C1QTNF2: variants seen among roughly 807,000 people sequenced by gnomAD.
C1QTNF2 encodes complement C1q tumor necrosis factor-related protein 2.
Under a neutral mutation model 17.4 loss-of-function variants are expected in C1QTNF2, and 15 were observed. That is an observed-to-expected ratio of 0.86 (90% confidence interval 0.58 to 1.33). C1QTNF2 has a LOEUF of 1.33. C1QTNF2 is among the 40% of genes most tolerant of loss of function. C1QTNF2 has a pLI of 0.00. For missense variants in C1QTNF2, 381 were observed against 392.3 expected, an observed-to-expected ratio of 0.97 and a Z score of 0.24; for synonymous variants, 154 against 163.3, an observed-to-expected ratio of 0.94 and a Z score of 0.44.
intron 1 of C1QTNF2, among the ~76,000 whole-genome samples, chr5:160,356,897 A>G (rs1334715995): frequency 1.3e-5 from 2 of 152,120 alleles, no homozygotes; most frequent in African/African-American, 4.8e-5. Context: ...CCCCTCCAGG[A>G]TCTTTAACCC....
intron 1 of C1QTNF2, among the ~76,000 whole-genome samples, chr5:160,368,868 G>A (rs115672176): frequency 0.018 from 2,766 of 152,278 alleles, 100 homozygotes; most frequent in African/African-American, 0.064. Context: ...ATTCAATGGA[G>A]ACAGAGTGGC....
intron 1 of C1QTNF2, among the ~76,000 whole-genome samples, chr5:160,369,060 T>A (rs925157292): frequency 1.4e-5 from 2 of 146,810 alleles, no homozygotes; most frequent in Non-Finnish European, 3.0e-5. Context: ...TCTTTGAGTT[T>A]AAAAAAAAAA....
chr5:160,361,907 ATTTG>A (rs1426199679), intron 1 of C1QTNF2, among the ~76,000 whole-genome samples: 1 of 151,922 alleles, frequency 6.6e-6, no homozygotes, highest in Non-Finnish European at 1.5e-5. Context: ...GTGATTATGT[ATTTG>A]TTTGTTTCTT....
At chr5:160,353,227 T>C (rs1450814523) in intron 2 of C1QTNF2, among the ~76,000 whole-genome samples, 1 of 152,124 alleles carries the variant, frequency 6.6e-6, no homozygotes, top group Non-Finnish European at 1.5e-5. Context: ...TTGTCAATAT[T>C]AAAATGCCAT....
At chr5:160,366,121 T>C (rs1052010102) in intron 1 of C1QTNF2, among the ~76,000 whole-genome samples, 3 of 152,212 alleles carry the variant, frequency 2.0e-5, no homozygotes, top group African/African-American at 7.2e-5. Flanking sequence ...CCTTTCCCCT[T>C]GAGTCCCCAA....
chr5:160,351,959 G>C (rs1041125833), intron 2 of C1QTNF2, among the ~76,000 whole-genome samples: 12 of 151,134 alleles, frequency 7.9e-5, no homozygotes, highest in African/African-American at 2.9e-4. Context: ...TACGCAGGCT[G>C]GAGTGCAGTG....
Position 160,349,689 on chromosome 5 carries a change from C to A in C1QTNF2, c.337G>T (p.Val113Phe), listed in dbSNP as rs376511022. The change falls in exon 3 of 3, where the codon GTC becomes TTC. Residue 113 changes from valine (V) to phenylalanine (F), a missense_variant. Coordinates refer to ENST00000652664, the MANE Select transcript of C1QTNF2 (RefSeq NM_031908.6). The surrounding 1 kb of genome is among the most constrained non-coding windows in gnomAD (Gnocchi z 4.3). Reference sequence around the variant, plus strand: ...CCATGCTTCCCGGGGGTACCGTTGACCCCCTTGGGGCCACGGGGGCCAGCC... The same window carrying A: ...CCATGCTTCCCGGGGGTACCGTTGAACCCCTTGGGGCCACGGGGGCCAGCC... ...GRAGPRGPKG[V>F]NGTPGKHGTP... is the part of the protein sequence containing the mutation. 1.9e-6 allele frequency: 3 copies of A among 1,610,544 alleles called. No individual in the cohort carries two copies. The highest frequency in any genetic ancestry group is 1.7e-6 in the Non-Finnish European group (2 of 1,178,910).
intron 1 of C1QTNF2, among the ~76,000 whole-genome samples, chr5:160,357,094 G>A (rs570677583): frequency 6.6e-6 from 1 of 152,158 alleles, no homozygotes; most frequent in African/African-American, 2.4e-5. Flanking sequence ...GTCTAGGCCC[G>A]CCCCAGTCGT....
chr5:160,367,662 G>A (rs1233744562), intron 1 of C1QTNF2, among the ~76,000 whole-genome samples: 4 of 152,142 alleles, frequency 2.6e-5, no homozygotes, highest in South Asian at 2.1e-4. Flanking sequence ...TCTAGGGATC[G>A]TGAGAAATAA....
intron 1 of C1QTNF2, among the ~76,000 whole-genome samples, chr5:160,369,649 G>T (rs1561830106): frequency 6.6e-6 from 1 of 152,198 alleles, no homozygotes; most frequent in Non-Finnish European, 1.5e-5. Flanking sequence ...GAGATGGCCA[G>T]TCTAAGGAAG....
chr5:160,363,650 T>C (rs1764194700), intron 1 of C1QTNF2, among the ~76,000 whole-genome samples: 1 of 152,290 alleles, frequency 6.6e-6, no homozygotes, highest in Middle Eastern at 3.4e-3. Context: ...ACAAATGTGG[T>C]GTATAACGTG....
intron 1 of C1QTNF2, among the ~76,000 whole-genome samples, chr5:160,359,117 G>A (rs1764104642): frequency 6.6e-6 from 1 of 152,008 alleles, no homozygotes; most frequent in African/African-American, 2.4e-5. Context: ...GCCCTATGAA[G>A]CTTACCTGAG....
chr5:160,365,582 T>A (rs1373021283), intron 1 of C1QTNF2, among the ~76,000 whole-genome samples: 2 of 151,806 alleles, frequency 1.3e-5, no homozygotes, highest in African/African-American at 4.8e-5. Flanking sequence ...CACCCCGCCA[T>A]CTCTACAAAG....
intron 2 of C1QTNF2, among the ~76,000 whole-genome samples, chr5:160,353,831 T>A (rs1002192508): frequency 7.4e-6 from 1 of 135,240 alleles, no homozygotes; most frequent in Non-Finnish European, 1.5e-5. Context: ...TGAGACACTG[T>A]CCTGCTCTGT....
At chr5:160,366,455 G>A (rs906751705) in intron 1 of C1QTNF2, among the ~76,000 whole-genome samples, 14 of 152,216 alleles carry the variant, frequency 9.2e-5, no homozygotes, top group Admixed American at 9.2e-4. Context: ...CCACACTCAT[G>A]AGAATAAACA....
In C1QTNF2 at chr5:160,349,651, C is replaced by G; in HGVS notation, c.375G>C (p.Lys125Asn). ...CCCCCTTCTTGCCCTTGGGCCCCTT[C>G]TTGCCTGGTGTGCCATGCTTCCCGG... ...GTPGKHGTPG[K>N]KGPKGKKGEP... The change falls in exon 3 of 3, where the codon AAG (lysine) becomes AAC (asparagine). Residue 125 changes from lysine (K) to asparagine (N), a missense_variant. By Grantham distance (94) the Lys-to-Asn change is moderately conservative. Transcript: ENST00000652664. The surrounding 1 kb of genome is among the most constrained non-coding windows in gnomAD (Gnocchi z 4.3). 1 of 1,613,776 alleles carries G rather than the reference C, an allele frequency of 6.2e-7. No individual in the cohort carries two copies. The highest frequency in any genetic ancestry group is 2.2e-5 in the East Asian group (1 of 44,860).
intron 1 of C1QTNF2, among the ~76,000 whole-genome samples, chr5:160,363,075 A>G (rs889136118): frequency 1.3e-5 from 2 of 152,204 alleles, no homozygotes; most frequent in Admixed American, 1.3e-4. Context: ...AGGACACCCA[A>G]ATCTCACCCA....
chr5:160,360,928 G>A (rs1311608840), intron 1 of C1QTNF2, among the ~76,000 whole-genome samples: 1 of 151,860 alleles, frequency 6.6e-6, no homozygotes, highest in Non-Finnish European at 1.5e-5. Flanking sequence ...CTGAGTAGCT[G>A]GGACTACAGG....
chr5:160,352,831 A>C (rs541588836), intron 2 of C1QTNF2, among the ~76,000 whole-genome samples: 2 of 152,348 alleles, frequency 1.3e-5, no homozygotes, highest in East Asian at 3.9e-4. Flanking sequence ...GTGTGGTAGG[A>C]AAAGACCTGG....
Sources: gnomAD v4.1 joint callset for allele counts (sites outside exome capture counted in the v4.1 genomes callset) on GRCh38, gnomAD v4.1.1 for gene constraint, Gnocchi (gnomAD v3.1) non-coding constraint, MANE v1.5 for transcripts, NCBI Gene and HGNC (gene_info 2026-07-23, HGNC 2026-07-21) for gene names.